MCTP1: variants seen among roughly 807,000 people sequenced by gnomAD.
The protein encoded by MCTP1 is multiple C2 and transmembrane domain containing 1, also known as multiple C2 and transmembrane domain-containing protein 1.
Under a neutral mutation model 120.6 loss-of-function variants are expected in MCTP1, and 69 were observed. The observed-to-expected ratio is 0.57, with a 90% CI of 0.47 to 0.70. The LOEUF (loss-of-function observed/expected upper bound fraction) is 0.70, where lower values mean the gene tolerates loss of function less well. MCTP1 is among the 30% of genes least tolerant of loss of function. The pLI is 0.00. For synonymous variants in MCTP1, 529 were observed against 493.1 expected, an observed-to-expected ratio of 1.07 and a Z score of -0.96; for missense variants, 1,203 against 1,248.8, an observed-to-expected ratio of 0.96 and a Z score of 0.55.
At chr5:95,085,925 G>T (rs1207351752) in intron 1 of MCTP1, among the ~76,000 whole-genome samples, 1 of 151,870 alleles carries the variant, frequency 6.6e-6, no homozygotes, top group East Asian at 1.9e-4. Context: ...CTTTTCCTGA[G>T]AAATATTTAG....
chr5:95,244,403 T>TG (rs1018658359), intron 1 of MCTP1, among the ~76,000 whole-genome samples: 10 of 152,046 alleles, frequency 6.6e-5, no homozygotes, highest in African/African-American at 2.4e-4. Flanking sequence ...GCACAAGGGG[T>TG]GGGGGGATTT....
In MCTP1 at chr5:95,283,979, G is replaced by T; in HGVS notation, c.597C>A (p.Ser199=). Residue 199 remains serine (S), a synonymous_variant, in exon 1 of 23, where the codon TCC becomes TCA. Transcript: ENST00000515393. ...PGAHLCHQKS[S]SLPGTACLEQ... is the part of the protein sequence containing the mutation. The stretch of plus-strand genomic sequence containing the variant: ...CCAGGCAGGCGGTGCCCGGCAGAGA[G>T]GAGCTCTTCTGGTGGCACAAGTGCG... 1 of 1,444,914 alleles carries T rather than the reference G, an allele frequency of 6.9e-7. No homozygotes were observed. 89.5% of individuals were successfully genotyped at this position (1,444,914 alleles called of 1,614,324 possible). A position where few individuals can be genotyped will look rare whatever the true frequency, so the allele number is the denominator to read the frequency against.
intron 2 of MCTP1, among the ~76,000 whole-genome samples, chr5:95,014,615 T>C (rs1420483423): frequency 1.3e-5 from 2 of 152,160 alleles, no homozygotes; most frequent in Non-Finnish European, 2.9e-5. Flanking sequence ...AGTTTTTACT[T>C]AACAATTGAA....
rs182731455 is a variant in MCTP1, at chr5:94,819,122, C to T, written c.2437-19990G>A. 9.7e-3 allele frequency among the ~76,000 whole-genome samples: 804 copies of T among 82,758 alleles called. 8 individuals carry two copies. Among genetic ancestry groups the T allele is most frequent in the Middle Eastern group, 0.026 (4 of 156 alleles). The allele number at this position is 82,758 out of a possible 152,430, so 54.3% of individuals were successfully genotyped here. On this transcript the variant is annotated intron_variant, in intron 17 of 22. Transcript: ENST00000515393. ...TTATTTATTTATTTATTTATTTATT[C>T]ATTCATTCATTCTTTCATTCATTCG...
intron 1 of MCTP1, chr5:95,081,771 A>G: frequency 1.8e-6 from 2 of 1,135,070 alleles, no homozygotes; most frequent in Non-Finnish European, 2.2e-6. Context: ...TACATAACAA[A>G]CATCATATCT....
At chr5:95,214,440 T>C (rs1313505205) in intron 1 of MCTP1, among the ~76,000 whole-genome samples, 1 of 151,968 alleles carries the variant, frequency 6.6e-6, no homozygotes, top group Non-Finnish European at 1.5e-5. Context: ...GTTCAACCAT[T>C]GTGGAAGTCA....
At chr5:95,217,284 C>A (rs896016037) in intron 1 of MCTP1, among the ~76,000 whole-genome samples, 34 of 152,064 alleles carry the variant, frequency 2.2e-4, no homozygotes, top group African/African-American at 7.7e-4. Flanking sequence ...TTTATCAGAG[C>A]TTTCAAGAAT....
chr5:95,283,624 T>C (rs1451632528), intron 1 of MCTP1, among the ~76,000 whole-genome samples: 1 of 152,272 alleles, frequency 6.6e-6, no homozygotes, highest in African/African-American at 2.4e-5. Context: ...AGAAAGCTTC[T>C]GGTGACAGGT....
intron 1 of MCTP1, among the ~76,000 whole-genome samples, chr5:95,211,228 C>T (rs1752330656): frequency 6.6e-6 from 1 of 152,084 alleles, no homozygotes; most frequent in Non-Finnish European, 1.5e-5. Context: ...GCCTGCCTTG[C>T]TAGATTGGGG....
intron 19 of MCTP1, among the ~76,000 whole-genome samples, chr5:94,736,326 G>GA (rs973668684): frequency 3.3e-5 from 5 of 151,834 alleles, no homozygotes; most frequent in African/African-American, 7.2e-5. Flanking sequence ...CTGTCTGTAT[G>GA]AAAAAAAACT....
At chr5:94,756,035 C>T (rs549304971) in intron 19 of MCTP1, among the ~76,000 whole-genome samples, 20 of 152,218 alleles carry the variant, frequency 1.3e-4, no homozygotes, top group Non-Finnish European at 1.8e-4. Context: ...CACCCATGGC[C>T]GACAGTGATG....
At chr5:94,819,006 G>A (rs943233319) in intron 17 of MCTP1, among the ~76,000 whole-genome samples, 13 of 152,090 alleles carry the variant, frequency 8.5e-5, no homozygotes, top group African/African-American at 1.2e-4. Context: ...GAGTGGGGGT[G>A]TAGATTTCCA....
chr5:94,782,612 C>T (rs556645719), intron 18 of MCTP1, among the ~76,000 whole-genome samples: 39 of 152,206 alleles, frequency 2.6e-4, no homozygotes, highest in African/African-American at 6.3e-4. Context: ...CAAATACCAC[C>T]GCTATTTAGG....
chr5:95,114,913 C>T (rs1384185134), intron 1 of MCTP1, among the ~76,000 whole-genome samples: 1 of 152,186 alleles, frequency 6.6e-6, no homozygotes, highest in Non-Finnish European at 1.5e-5. Context: ...CACTCCACTC[C>T]CAGCTCCAGA....
chr5:95,176,325 G>T (rs1035366414), intron 1 of MCTP1, among the ~76,000 whole-genome samples: 3 of 152,098 alleles, frequency 2.0e-5, no homozygotes, highest in Non-Finnish European at 4.4e-5. Context: ...AGGAGTTCGA[G>T]ACTAGCCTGG....
In MCTP1 at chr5:94,705,034, T is replaced by G. The variant is rs1372344558; in HGVS notation, c.*2462A>C. The G allele has an allele frequency of 4.0e-5, 6 of 151,362 alleles. No individual in the cohort carries two copies. Among genetic ancestry groups the G allele is most frequent in the Non-Finnish European group, 1.5e-5 (1 of 67,586 alleles). 9.4% of individuals were successfully genotyped at this position (151,362 alleles called of 1,614,324 possible). A position where few individuals can be genotyped will look rare whatever the true frequency, so the allele number is the denominator to read the frequency against. On this transcript the variant is annotated 3_prime_UTR_variant, in exon 23 of 23. Coordinates refer to ENST00000515393, the MANE Select transcript of MCTP1 (RefSeq NM_024717.7). ...TTTATGAATATAAATAATGACTCAG[T>G]GAATTTACTCACTAAAAGATACTAA...
intron 17 of MCTP1, among the ~76,000 whole-genome samples, chr5:94,820,157 C>T (rs977553634): frequency 6.6e-6 from 1 of 152,172 alleles, no homozygotes; most frequent in African/African-American, 2.4e-5. Flanking sequence ...GATGTCATGG[C>T]TTTATTGTCA....
intron 1 of MCTP1, among the ~76,000 whole-genome samples, chr5:95,214,918 G>A (rs914206390): frequency 6.6e-6 from 1 of 151,734 alleles, no homozygotes; most frequent in Non-Finnish European, 1.5e-5. Flanking sequence ...TAATGTAAAT[G>A]ACGAGTTAAT....
chr5:95,084,668 C>A (rs750671609), intron 1 of MCTP1, among the ~76,000 whole-genome samples: 5 of 151,796 alleles, frequency 3.3e-5, no homozygotes, highest in African/African-American at 4.8e-5. Flanking sequence ...TTAATTTAGT[C>A]TTGGATCAGA....
Sources: gnomAD v4.1 joint callset for allele counts (sites outside exome capture counted in the v4.1 genomes callset) on GRCh38, gnomAD v4.1.1 for gene constraint, MANE v1.5 for transcripts, NCBI Gene and HGNC (gene_info 2026-07-23, HGNC 2026-07-21) for gene names.